ZFAND3: variants seen among roughly 807,000 people sequenced by gnomAD.
ZFAND3 encodes the protein zinc finger AN1-type containing 3.
ZFAND3 carries 10 observed loss-of-function variants against 29.6 expected under a neutral mutation model. The ratio of observed to expected loss-of-function variants is 0.34; its 90% CI spans 0.21 to 0.57. The LOEUF (loss-of-function observed/expected upper bound fraction) is 0.57, where lower values mean the gene tolerates loss of function less well. Ranked by LOEUF, ZFAND3 falls within the 20% of genes least tolerant of loss-of-function variation. The probability of loss-of-function intolerance (pLI) is 0.86; values close to 1 mark genes in which losing one functional copy is unlikely to be tolerated. For missense variants in ZFAND3, 230 were observed against 304.5 expected (o/e 0.76, Z 1.82); for synonymous variants, 128 against 112.6 (o/e 1.14, Z -0.87).
intron 3 of ZFAND3, among the ~76,000 whole-genome samples, chr6:38,063,444 A>G (rs1764281834): frequency 6.6e-6 from 1 of 152,212 alleles, no homozygotes. Flanking sequence ...CTCTGCAACA[A>G]AAAATCATTC....
At chr6:38,066,526 C>T (rs558518012) in intron 3 of ZFAND3, among the ~76,000 whole-genome samples, 7 of 152,244 alleles carry the variant, frequency 4.6e-5, no homozygotes, top group African/African-American at 7.2e-5. Context: ...ATCCAAGTAC[C>T]GTGAAATTTG....
intron 2 of ZFAND3, among the ~76,000 whole-genome samples, chr6:37,946,297 A>G (rs1581783093): frequency 6.6e-6 from 1 of 152,286 alleles, no homozygotes; most frequent in Non-Finnish European, 1.5e-5. Flanking sequence ...GATACTTACC[A>G]TGACTCAAGG....
At chr6:37,886,933 G>A (rs1765005567) in intron 1 of ZFAND3, among the ~76,000 whole-genome samples, 2 of 152,214 alleles carry the variant, frequency 1.3e-5, no homozygotes, top group Non-Finnish European at 2.9e-5. Context: ...GACCTTGGGA[G>A]GCAGAGGCTG....
chr6:38,110,630 A>G (rs1317931065), intron 4 of ZFAND3, among the ~76,000 whole-genome samples: 1 of 152,196 alleles, frequency 6.6e-6, no homozygotes, highest in Non-Finnish European at 1.5e-5. Flanking sequence ...ATAAATGTCA[A>G]TCTGTCAAGA....
At chr6:37,870,405 C>T (rs897739215) in intron 1 of ZFAND3, among the ~76,000 whole-genome samples, 4 of 150,916 alleles carry the variant, frequency 2.7e-5, no homozygotes, top group Admixed American at 6.6e-5. Context: ...AGTTCGAGAC[C>T]AGCCTGGCCA....
At chr6:38,006,240 G>A (rs1174289017) in intron 2 of ZFAND3, among the ~76,000 whole-genome samples, 1 of 152,166 alleles carries the variant, frequency 6.6e-6, no homozygotes, top group East Asian at 1.9e-4. Flanking sequence ...TAATGGACCT[G>A]AGGTAATGTT....
chr6:37,986,202 G>T (rs1762668640), intron 2 of ZFAND3, among the ~76,000 whole-genome samples: 2 of 152,014 alleles, frequency 1.3e-5, no homozygotes, highest in African/African-American at 4.8e-5. Flanking sequence ...GAGTTGAGTA[G>T]ATATTGCCCA....
chr6:37,851,536 T>C (rs1466744794), intron 1 of ZFAND3, among the ~76,000 whole-genome samples: 3 of 129,030 alleles, frequency 2.3e-5, no homozygotes, highest in Admixed American at 7.3e-5. Flanking sequence ...ACATATACTG[T>C]ATTTGAGCTA....
At chr6:38,078,285 A>G (rs1246641377) in intron 3 of ZFAND3, among the ~76,000 whole-genome samples, 1 of 152,232 alleles carries the variant, frequency 6.6e-6, no homozygotes, top group Admixed American at 6.5e-5. Context: ...AAGAAAAGGT[A>G]GAATATTCAC....
chr6:37,914,662 C>CTTTTTTTTCTT (rs1761201322), intron 1 of ZFAND3, among the ~76,000 whole-genome samples: 11 of 62,474 alleles, frequency 1.8e-4, no homozygotes, highest in African/African-American at 7.4e-4. Flanking sequence ...TTCTTTCTTT[C>CTTTTTTTTCTT]TTTTTTTTTC....
chr6:37,903,020 G>A (rs184553252), intron 1 of ZFAND3, among the ~76,000 whole-genome samples: 1 of 152,196 alleles, frequency 6.6e-6, no homozygotes, highest in African/African-American at 2.4e-5. Flanking sequence ...GTCAAGCTGT[G>A]TGCAGTAATT....
At chr6:37,955,015 C>G (rs1215160007) in intron 2 of ZFAND3, among the ~76,000 whole-genome samples, 3 of 152,112 alleles carry the variant, frequency 2.0e-5, no homozygotes, top group Admixed American at 1.3e-4. Flanking sequence ...ATGCCCTTAC[C>G]CAGTAGTCAG....
intron 1 of ZFAND3, among the ~76,000 whole-genome samples, chr6:37,880,604 C>A (rs1764874822): frequency 6.6e-6 from 1 of 152,024 alleles, no homozygotes. Flanking sequence ...AAAACAGTGC[C>A]TATTTATTCA....
intron 1 of ZFAND3, among the ~76,000 whole-genome samples, chr6:37,846,255 G>A (rs1359868598): frequency 1.3e-5 from 2 of 151,984 alleles, no homozygotes; most frequent in East Asian, 1.9e-4. Flanking sequence ...ATACTTCTAG[G>A]TGCACAATAT....
At chr6:37,937,634 A>C (rs1761722914) in intron 2 of ZFAND3, among the ~76,000 whole-genome samples, 1 of 140,540 alleles carries the variant, frequency 7.1e-6, no homozygotes, top group African/African-American at 2.6e-5. Flanking sequence ...CAGCCTAGCG[A>C]CAGAGCGAGA....
chr6:37,954,803 G>A (rs1319968146), intron 2 of ZFAND3, among the ~76,000 whole-genome samples: 1 of 152,156 alleles, frequency 6.6e-6, no homozygotes, highest in East Asian at 1.9e-4. Flanking sequence ...TTGTTAGGCA[G>A]CCCTACAATT....
chr6:38,070,275 T>G (rs1414720901), intron 3 of ZFAND3, among the ~76,000 whole-genome samples: 1 of 152,080 alleles, frequency 6.6e-6, no homozygotes, highest in Non-Finnish European at 1.5e-5. Flanking sequence ...AATACAAAAA[T>G]TAGCCTGGCA....
intron 3 of ZFAND3, among the ~76,000 whole-genome samples, chr6:38,072,230 T>A (rs1764470388): frequency 6.6e-6 from 1 of 152,206 alleles, no homozygotes; most frequent in South Asian, 2.1e-4. Context: ...TGCTCGTTGG[T>A]ATTTATCACC....
chr6:37,868,874 G>A (rs1330890658), intron 1 of ZFAND3, among the ~76,000 whole-genome samples: 2 of 152,094 alleles, frequency 1.3e-5, no homozygotes, highest in Non-Finnish European at 2.9e-5. Context: ...TTAAATATTC[G>A]TCTATTTTTC....
Sources: gnomAD v4.1 joint callset for allele counts (sites outside exome capture counted in the v4.1 genomes callset) on GRCh38, gnomAD v4.1.1 for gene constraint, MANE v1.5 for transcripts, NCBI Gene and HGNC (gene_info 2026-07-23, HGNC 2026-07-21) for gene names.